KLHL13: variants seen among roughly 807,000 people sequenced by gnomAD.
The protein encoded by KLHL13 is kelch-like protein 13.
KLHL13 carries 10 observed loss-of-function variants against 37.1 expected under a neutral mutation model. That is an observed-to-expected ratio of 0.27 (90% CI 0.17 to 0.46). The LOEUF (loss-of-function observed/expected upper bound fraction) is 0.46, where lower values mean the gene tolerates loss of function less well. KLHL13 is among the 20% of genes least tolerant of loss of function. The probability of loss-of-function intolerance (pLI) is 1.00; values close to 1 mark genes in which losing one functional copy is unlikely to be tolerated. For missense variants in KLHL13, 360 were observed against 509.3 expected (o/e 0.71, Z 2.82); for synonymous variants, 163 against 181.2 (o/e 0.90, Z 0.81).
chrX:118,032,066 T>A (rs1315476275), intron 1 of KLHL13, among the ~76,000 whole-genome samples: 1 of 111,094 alleles, frequency 9.0e-6, no homozygotes, highest in Non-Finnish European at 1.9e-5. Flanking sequence ...GGAGATTATA[T>A]CCAGCACCTG....
intron 1 of KLHL13, among the ~76,000 whole-genome samples, chrX:118,092,639 C>T (rs1403886402): frequency 2.7e-5 from 3 of 111,659 alleles, no homozygotes; most frequent in Non-Finnish European, 5.7e-5. Flanking sequence ...AAATATGTGT[C>T]AATACAACAA....
At chrX:118,115,748 C>T (rs901904046) in intron 1 of KLHL13, among the ~76,000 whole-genome samples, 5 of 112,406 alleles carry the variant, frequency 4.4e-5, no homozygotes, top group African/African-American at 1.6e-4. Flanking sequence ...GGACCATGTA[C>T]GAAGATTGCG....
chrX:118,058,133 T>C (rs1046694964), intron 1 of KLHL13, among the ~76,000 whole-genome samples: 9 of 111,677 alleles, frequency 8.1e-5, no homozygotes, highest in African/African-American at 2.9e-4. Flanking sequence ...CTCCATTACA[T>C]AGTGTTACCA....
At chrX:118,042,356 A>G (rs1357532212) in intron 1 of KLHL13, among the ~76,000 whole-genome samples, 2 of 112,074 alleles carry the variant, frequency 1.8e-5, no homozygotes, top group Non-Finnish European at 3.8e-5. Flanking sequence ...GAACAAATGG[A>G]ACTAATAGAA....
chrX:117,921,292 A>C (rs940721676), intron 2 of KLHL13, among the ~76,000 whole-genome samples: 1 of 112,123 alleles, frequency 8.9e-6, no homozygotes, highest in African/African-American at 3.2e-5. Flanking sequence ...TTGTGGGTAC[A>C]GAGATGTATG....
At chrX:118,079,054 A>G (rs1002435095) in intron 1 of KLHL13, among the ~76,000 whole-genome samples, 2 of 111,641 alleles carry the variant, frequency 1.8e-5, no homozygotes, top group Non-Finnish European at 3.8e-5. Context: ...AAAGACAATC[A>G]ACAAAGAAGG....
At chrX:117,992,110 G>T (rs931590075) in intron 1 of KLHL13, among the ~76,000 whole-genome samples, 2 of 109,934 alleles carry the variant, frequency 1.8e-5, no homozygotes, top group Non-Finnish European at 3.8e-5. Flanking sequence ...GAATGAGGCA[G>T]GCTGGAGGTG....
intron 1 of KLHL13, among the ~76,000 whole-genome samples, chrX:118,022,479 C>G (rs1489034399): frequency 9.0e-6 from 1 of 111,551 alleles, no homozygotes; most frequent in Non-Finnish European, 1.9e-5. Context: ...GTTCTCTTCT[C>G]TACATCCTCT....
At chrX:118,029,791 ACACCCCG>A in intron 1 of KLHL13, among the ~76,000 whole-genome samples, 1 of 110,364 alleles carries the variant, frequency 9.1e-6, no homozygotes, top group African/African-American at 3.3e-5. Context: ...CAATATGACA[ACACCCCG>A]TCTCTATAAA....
intron 1 of KLHL13, among the ~76,000 whole-genome samples, chrX:118,089,133 A>G (rs1019190118): frequency 9.0e-6 from 1 of 111,509 alleles, no homozygotes; most frequent in African/African-American, 3.3e-5. Context: ...ACCCTCATCC[A>G]CGTCACCAAA....
chrX:117,968,562 G>T (rs1181937046), intron 1 of KLHL13, among the ~76,000 whole-genome samples: 2 of 111,452 alleles, frequency 1.8e-5, no homozygotes, highest in Non-Finnish European at 3.8e-5. Context: ...ACATAATTTT[G>T]TTAAATTGTG....
chrX:117,931,459 T>C (rs1932447990), intron 2 of KLHL13, among the ~76,000 whole-genome samples: 1 of 111,868 alleles, frequency 8.9e-6, no homozygotes, highest in African/African-American at 3.2e-5. Context: ...TGTTTTCAAC[T>C]GGCAGTTAAC....
chrX:117,909,584 C>T (rs752471767), exon 5 of KLHL13: 55 of 1,210,143 alleles, frequency 4.5e-5, no homozygotes, highest in Middle Eastern at 2.3e-4. Context: ...TTTCATCATA[C>T]ATGCGCAATT....
At chrX:118,062,950 T>C (rs1247866862) in intron 1 of KLHL13, among the ~76,000 whole-genome samples, 1 of 110,957 alleles carries the variant, frequency 9.0e-6, no homozygotes, top group African/African-American at 3.3e-5. Context: ...AGCCAAGAAA[T>C]TGGAAGCAAA....
intron 1 of KLHL13, among the ~76,000 whole-genome samples, chrX:118,079,410 C>T (rs930896123): frequency 7.2e-5 from 8 of 110,894 alleles, no homozygotes; most frequent in South Asian, 3.8e-4. Context: ...TCCACCAAAA[C>T]GCTACTAGAA....
At chrX:118,055,282 T>C (rs1218041883) in intron 1 of KLHL13, among the ~76,000 whole-genome samples, 1 of 111,934 alleles carries the variant, frequency 8.9e-6, no homozygotes, top group African/African-American at 3.2e-5. Context: ...AGTTCAACAA[T>C]AGATCAAAAA....
intron 4 of KLHL13, among the ~76,000 whole-genome samples, chrX:117,910,359 C>G (rs1041512095): frequency 4.5e-5 from 5 of 111,241 alleles, no homozygotes; most frequent in African/African-American, 1.6e-4. Context: ...AATGTTATAA[C>G]TGGAATATGG....
chrX:117,996,566 G>A (rs1246019425), intron 1 of KLHL13, among the ~76,000 whole-genome samples: 1 of 111,274 alleles, frequency 9.0e-6, no homozygotes, highest in African/African-American at 3.3e-5. Context: ...TGAAAAGAAT[G>A]CAGCAATACA....
rs1264083487 is a variant in KLHL13 at position 118,052,336 on chromosome X, AC to A, written c.-56+64171del. ...AGACCATCCTGGCTAACACAGTGAAACCCCGTCTCTACTAAAAAAAAAAAAA... is the reference window on the plus strand; with the variant it reads ...AGACCATCCTGGCTAACACAGTGAAACCCGTCTCTACTAAAAAAAAAAAAA... On this transcript the variant is annotated intron_variant, in intron 1 of 6. Transcript: ENST00000371882. 1.1e-4 allele frequency among the ~76,000 whole-genome samples: 9 copies of A among 84,789 alleles called. No individual in the cohort carries two copies. In the Admixed American group the frequency reaches 1.3e-3, roughly 13 times the overall value. 73.6% of individuals were successfully genotyped at this position (84,789 alleles called of 115,157 possible). A position where few individuals can be genotyped will look rare whatever the true frequency, so the allele number is the denominator to read the frequency against.
Sources: allele counts gnomAD v4.1 joint callset (sites outside exome capture counted in the v4.1 genomes callset), GRCh38; gene constraint gnomAD v4.1.1; transcripts MANE v1.5; gene names NCBI Gene and HGNC (gene_info 2026-07-23, HGNC 2026-07-21).